The following RACK1 variants were observed in gnomAD, a reference collection of about 807,000 sequenced individuals.
RACK1 encodes the protein small ribosomal subunit protein RACK1.
A neutral mutation model predicts 42.2 loss-of-function variants in RACK1; 3 were observed. That is an observed-to-expected ratio of 0.07 (90% CI 0.03 to 0.18). RACK1 has a LOEUF of 0.18. Ranked by LOEUF, RACK1 falls within the 10% of genes least tolerant of loss-of-function variation. The pLI is 1.00. For missense variants in RACK1, 146 were observed against 403.2 expected (o/e 0.36, Z 5.46); for synonymous variants, 181 against 154.8 (o/e 1.17, Z -1.25).
intron 1 of RACK1, chr5:181,242,975 C>G: frequency 2.9e-6 from 1 of 340,368 alleles, no homozygotes; most frequent in Non-Finnish European, 5.8e-6. Flanking sequence ...CAGTTTGTGG[C>G]TGTAGAGTAG....
chr5:181,241,443 AG>A, intron 3 of RACK1, 48 bp downstream of exon 3: 17 of 1,485,758 alleles, frequency 1.1e-5, no homozygotes, highest in South Asian at 6.3e-5. Flanking sequence ...AAAAAAAAAA[AG>A]CAAAGTTTAA....
chr5:181,243,529 C>T (rs1759436275), intron 1 of RACK1, 163 bp downstream of exon 1: 4 of 1,400,184 alleles, frequency 2.9e-6, no homozygotes, highest in Non-Finnish European at 3.8e-6. Flanking sequence ...GAGGCCTAGG[C>T]TCGGGTCCGC....
At chr5:181,243,616 C>G in intron 1 of RACK1, 76 bp downstream of exon 1, 2 of 1,509,338 alleles carry the variant, frequency 1.3e-6, no homozygotes, top group South Asian at 1.2e-5. Context: ...CCACACCACA[C>G]GCGGAATTCC....
At chr5:181,240,080 G>A (rs1465002030) in intron 3 of RACK1, 1 of 157,126 alleles carries the variant, frequency 6.4e-6, no homozygotes, top group African/African-American at 2.4e-5. Flanking sequence ...ATAGGGCCTG[G>A]TGTGGTGGCT....
chr5:181,243,181 A>C (rs1749756224), intron 1 of RACK1: 4 of 890,346 alleles, frequency 4.5e-6, no homozygotes, highest in Non-Finnish European at 6.4e-6. Context: ...GAAGCACAAG[A>C]AGCGTCTAAA....
At chr5:181,243,299 T>C in intron 1 of RACK1, 1 of 1,358,812 alleles carries the variant, frequency 7.4e-7, no homozygotes. Context: ...CCCACGAGCC[T>C]TGGGCCGGGC....
chr5:181,241,774 A>G, intron 2 of RACK1, 135 bp from the exon 3 acceptor site: 1 of 936,942 alleles, frequency 1.1e-6, no homozygotes, highest in Non-Finnish European at 1.7e-6. Flanking sequence ...CACAGAGTCA[A>G]GTGACTGAGT....
chr5:181,241,736 C>T (rs2113216952), intron 2 of RACK1, 97 bp from the exon 3 acceptor site: 1 of 1,302,742 alleles, frequency 7.7e-7, no homozygotes, highest in Non-Finnish European at 1.1e-6. Flanking sequence ...CATTGCATCA[C>T]TCATACAACC....
intron 2 of RACK1, chr5:181,241,963 T>A: frequency 1.3e-6 from 1 of 772,278 alleles, no homozygotes; most frequent in South Asian, 1.4e-5. Flanking sequence ...CACTCAGAAC[T>A]TTTGCACCTG....
intron 7 of RACK1, 98 bp downstream of exon 7, chr5:181,237,511 G>T (rs1298459547): frequency 1.3e-6 from 1 of 760,064 alleles, no homozygotes; most frequent in Non-Finnish European, 2.4e-6. Flanking sequence ...TTATGCCAAG[G>T]ACACTGCTCT....
At position 181,236,946 on chromosome 5, in the gene RACK1, T is replaced by A. The variant is rs769155820; in HGVS notation, c.*31A>T. 6.4e-7 allele frequency: 1 copy of A among 1,566,648 alleles called. No individual in the cohort carries two copies. Among genetic ancestry groups the A allele is most frequent in the Non-Finnish European group, 8.6e-7 (1 of 1,162,320 alleles). On this transcript the variant is annotated 3_prime_UTR_variant, in exon 8 of 8. Coordinates refer to ENST00000512805, the MANE Select transcript of RACK1 (RefSeq NM_006098.5). Reference sequence around the variant, plus strand: ...CCTAAAAGTCAGAAAAGCCAGTTTTTTTTTTATTTGTAAAGCTCTGCCATA... The same window carrying A: ...CCTAAAAGTCAGAAAAGCCAGTTTTATTTTTATTTGTAAAGCTCTGCCATA...
chr5:181,238,905 T>C, intron 5 of RACK1, 162 bp downstream of exon 5: 1 of 711,864 alleles, frequency 1.4e-6, no homozygotes, highest in South Asian at 1.4e-5. Context: ...TGTCATTTGC[T>C]GAAAGTAATC....
Position 181,238,246 on chromosome 5 carries a change from A to C in RACK1, c.637-7T>G. On this transcript the variant is annotated splice_region_variant and splice_polypyrimidine_tract_variant and intron_variant, in intron 5 of 7. Transcript: ENST00000512805. ...ATAACATGGCCTGGCCATCCTGGAC[A>C]CAGGTAAGGTAAATCAGGACACTGT... The C allele has an allele frequency of 6.2e-7, 1 of 1,614,002 alleles. No homozygotes were observed. The highest frequency in any genetic ancestry group is 8.5e-7 in the Non-Finnish European group (1 of 1,179,886).
chr5:181,239,339 T>C lies in RACK1; in HGVS notation c.525+148A>G, dbSNP rs774171279. On this transcript the variant is annotated intron_variant, in intron 4 of 7. Transcript: ENST00000512805. ...AGATTATAACACATATCCAATGCAG[T>C]GTGCTGACTTACAAGGGACATCAGA... The C allele has an allele frequency of 7.8e-6, 6 of 766,236 alleles. No homozygotes were observed. In the Admixed American group the frequency reaches 1.2e-4, roughly 15 times the overall value. The allele number at this position is 766,236 out of a possible 1,614,324, so 47.5% of individuals were successfully genotyped here. A position where few individuals can be genotyped will look rare whatever the true frequency, so the allele number is the denominator to read the frequency against.
Position 181,241,576 on chromosome 5 carries a change from A to C in RACK1, c.345T>G (p.Ser115=), listed in dbSNP as rs1199398004. 3.1e-6 allele frequency: 5 copies of C among 1,613,974 alleles called. No individual in the cohort carries two copies. The highest frequency in any genetic ancestry group is 4.2e-6 in the Non-Finnish European group (5 of 1,179,958). ...ATCCAGAGACAATCTGCCGGTTGTC[A>C]GAGGAGAAGGCCACACTCAGCACAT... ...TKDVLSVAFS[S]DNRQIVSGSR... Residue 115 remains serine (S), a synonymous_variant, in exon 3 of 8, where the codon TCT becomes TCG. Coordinates refer to ENST00000512805, the MANE Select transcript of RACK1 (RefSeq NM_006098.5).
chr5:181,237,748 G>T, intron 6 of RACK1, 29 bp from the exon 7 acceptor site: 1 of 1,168,440 alleles, frequency 8.6e-7, no homozygotes, highest in Non-Finnish European at 1.2e-6. Flanking sequence ...GCAACCTTAA[G>T]ACTTACCAAT....
At position 181,236,940 on chromosome 5, in the gene RACK1, AGT is replaced by A; in HGVS notation, c.*35_*36del. The A allele has an allele frequency of 6.5e-7, 1 of 1,546,744 alleles. No individual in the cohort carries two copies. The highest frequency in any genetic ancestry group is 1.2e-5 in the South Asian group (1 of 82,802). On this transcript the variant is annotated 3_prime_UTR_variant, in exon 8 of 8. Coordinates refer to ENST00000512805, the MANE Select transcript of RACK1 (RefSeq NM_006098.5). ...AAAAAACCTAAAAGTCAGAAAAGCCAGTTTTTTTTTTATTTGTAAAGCTCTGC... is the reference window on the plus strand; with the variant it reads ...AAAAAACCTAAAAGTCAGAAAAGCCATTTTTTTTTATTTGTAAAGCTCTGC...
In RACK1 at chr5:181,239,471, T is replaced by C. The variant is rs748470910; in HGVS notation, c.525+16A>G. 26 of 1,592,108 alleles carry C rather than the reference T, an allele frequency of 1.6e-5. No homozygotes were observed. Among genetic ancestry groups the C allele is most frequent in the African/African-American group, 4.0e-5 (3 of 74,460 alleles). ...CACCCTGACTGGTAAAGCCCCTGCC[T>C]TGGCTTGACGCTCACCTTGACCAGC... On this transcript the variant is annotated intron_variant, in intron 4 of 7. Coordinates refer to ENST00000512805, the MANE Select transcript of RACK1 (RefSeq NM_006098.5).
At chr5:181,238,770 G>A in intron 5 of RACK1, 2 of 392,536 alleles carry the variant, frequency 5.1e-6, no homozygotes, top group South Asian at 4.2e-5. Context: ...CTGCACTCCA[G>A]CCTTGGCAGC....
Sources: gnomAD v4.1 joint callset for allele counts on GRCh38, gnomAD v4.1.1 for gene constraint, MANE v1.5 for transcripts, NCBI Gene and HGNC (gene_info 2026-07-23, HGNC 2026-07-21) for gene names.